Variants in TRPC5 observed in about 807,000 individuals in gnomAD.
TRPC5 encodes transient receptor potential cation channel subfamily C member 5.
TRPC5 carries 9 observed loss-of-function variants against 56.5 expected under a neutral mutation model. The ratio of observed to expected loss-of-function variants is 0.16; its 90% CI spans 0.10 to 0.28. The LOEUF is 0.28. TRPC5 is among the 10% of genes least tolerant of loss of function. The pLI, the probability that TRPC5 is intolerant of heterozygous loss-of-function variation, is 1.00. For missense variants in TRPC5, 469 were observed against 748.9 expected (o/e 0.63, Z 4.36); for synonymous variants, 282 against 278.5 (o/e 1.01, Z -0.13).
intron 6 of TRPC5, among the ~76,000 whole-genome samples, chrX:111,837,816 A>G (rs1034094663): frequency 2.8e-5 from 3 of 108,992 alleles, no homozygotes; most frequent in African/African-American, 1.0e-4. Context: ...TCATGCCTAT[A>G]ATCCCAGAGC....
intron 1 of TRPC5, among the ~76,000 whole-genome samples, chrX:111,997,176 T>C (rs1928560103): frequency 8.9e-6 from 1 of 111,867 alleles, no homozygotes; most frequent in South Asian, 3.8e-4. Context: ...CTTCAGGAGC[T>C]CTTGTAAGGC....
At chrX:111,906,421 T>TA (rs1188982988) in intron 3 of TRPC5, among the ~76,000 whole-genome samples, 1 of 110,790 alleles carries the variant, frequency 9.0e-6, no homozygotes, top group Non-Finnish European at 1.9e-5. Context: ...TAAATACACA[T>TA]ACCTCTGTAT....
At chrX:111,963,198 T>C (rs1047845898) in intron 1 of TRPC5, among the ~76,000 whole-genome samples, 1 of 111,951 alleles carries the variant, frequency 8.9e-6, no homozygotes, top group Non-Finnish European at 1.9e-5. Flanking sequence ...GCTCAGAGGG[T>C]CCTACGCCCA....
chrX:111,902,032 A>AGG, intron 3 of TRPC5: 2 of 1,155,972 alleles, frequency 1.7e-6, no homozygotes, highest in Non-Finnish European at 2.3e-6. Flanking sequence ...AGCCTTCGCT[A>AGG]CCTGATCTCC....
At chrX:111,804,775 T>C (rs1195539997) in intron 7 of TRPC5, among the ~76,000 whole-genome samples, 3 of 111,874 alleles carry the variant, frequency 2.7e-5, no homozygotes, top group Admixed American at 9.5e-5. Context: ...TTTCTAAATA[T>C]ACAATCATGT....
At chrX:111,813,481 A>G (rs1228518744) in intron 7 of TRPC5, among the ~76,000 whole-genome samples, 1 of 112,650 alleles carries the variant, frequency 8.9e-6, no homozygotes, top group East Asian at 2.8e-4. Flanking sequence ...GTTCAATTTT[A>G]CATTTCTCAA....
intron 3 of TRPC5, among the ~76,000 whole-genome samples, chrX:111,893,827 G>A (rs1282871582): frequency 9.0e-6 from 1 of 111,320 alleles, no homozygotes; most frequent in Non-Finnish European, 1.9e-5. Context: ...TTTTTTAAAG[G>A]CAAAAGTTTG....
chrX:111,952,578 A>C, intron 1 of TRPC5, 137 bp from the exon 2 acceptor site: 1 of 634,976 alleles, frequency 1.6e-6, no homozygotes, highest in African/African-American at 2.2e-5. Flanking sequence ...TTCCGCTTAC[A>C]AAGAAGTATA....
chrX:111,884,286 G>A (rs1805601336), intron 3 of TRPC5, among the ~76,000 whole-genome samples: 1 of 112,298 alleles, frequency 8.9e-6, no homozygotes, highest in Non-Finnish European at 1.9e-5. Context: ...GCTAGTTAGG[G>A]GCCTAGTCAG....
chrX:111,909,481 C>T (rs1057333658), intron 3 of TRPC5, among the ~76,000 whole-genome samples: 3 of 110,632 alleles, frequency 2.7e-5, no homozygotes, highest in Non-Finnish European at 5.7e-5. Context: ...ATCCTAGTGA[C>T]GATGGATGCA....
At chrX:112,061,691 T>C (rs1416400888) in intron 1 of TRPC5, among the ~76,000 whole-genome samples, 6 of 111,451 alleles carry the variant, frequency 5.4e-5, no homozygotes, top group African/African-American at 2.0e-4. Flanking sequence ...CACATGACTA[T>C]TAAAAACGTC....
chrX:112,050,417 T>C (rs1930186113), intron 1 of TRPC5, among the ~76,000 whole-genome samples: 1 of 112,305 alleles, frequency 8.9e-6, no homozygotes, highest in South Asian at 3.7e-4. Context: ...TATAGCAGTA[T>C]TGGTTTGATG....
chrX:111,889,651 G>A (rs1924707462), intron 3 of TRPC5, among the ~76,000 whole-genome samples: 1 of 111,678 alleles, frequency 9.0e-6, no homozygotes, highest in African/African-American at 3.3e-5. Flanking sequence ...ACTTTGGGAG[G>A]TAGAGGTATG....
At chrX:111,807,956 C>CTGTGTGTGTGTGTGTGTG (rs60688414) in intron 7 of TRPC5, among the ~76,000 whole-genome samples, 10 of 91,927 alleles carry the variant, frequency 1.1e-4, no homozygotes, top group African/African-American at 5.0e-4. Flanking sequence ...CTCTCTCTCT[C>CTGTGTGTGTGTGTGTGTG]TGTGTGTGTG....
chrX:111,893,303 C>CA (rs1255112283), intron 3 of TRPC5, among the ~76,000 whole-genome samples: 1 of 110,359 alleles, frequency 9.1e-6, no homozygotes, highest in African/African-American at 3.3e-5. Flanking sequence ...ATTTGAAAAC[C>CA]AAAAAAATCT....
chrX:112,073,782 T>C (rs1192946691), intron 1 of TRPC5, among the ~76,000 whole-genome samples: 2 of 111,738 alleles, frequency 1.8e-5, no homozygotes, highest in Non-Finnish European at 3.8e-5. Context: ...ACTTATTATC[T>C]TCCTCGCCTT....
chrX:111,799,872 C>A (rs185436439), intron 7 of TRPC5, among the ~76,000 whole-genome samples: 1 of 111,764 alleles, frequency 8.9e-6, no homozygotes, highest in Non-Finnish European at 1.9e-5. Context: ...GATCACTTGA[C>A]GGAGATGAGT....
At chrX:112,080,401 C>T (rs986035647) in intron 1 of TRPC5, among the ~76,000 whole-genome samples, 8 of 91,229 alleles carry the variant, frequency 8.8e-5, no homozygotes, top group African/African-American at 1.7e-4. Flanking sequence ...TACATACACA[C>T]ACACACACAC....
rs188917314 is a variant in TRPC5 at position 111,905,775 on chromosome X, C to T, written c.900+6516G>A. The stretch of plus-strand genomic sequence containing the variant: ...TAAAAATACAAAAAAATTAGCTGGG[C>T]GTGGTGGCGGGCGCCTGTAGTCCCA... On this transcript the variant is annotated intron_variant, in intron 3 of 10. Transcript: ENST00000262839. Among the ~76,000 whole-genome samples, 193 of 109,289 alleles carry T rather than the reference C, an allele frequency of 1.8e-3. 1 individual carries two copies. Among genetic ancestry groups the T allele is most frequent in the Admixed American group, 7.8e-3 (80 of 10,300 alleles). 94.9% of individuals were successfully genotyped at this position (109,289 alleles called of 115,157 possible). A position where few individuals can be genotyped will look rare whatever the true frequency, so the allele number is the denominator to read the frequency against.
Sources: gnomAD v4.1 joint callset for allele counts (sites outside exome capture counted in the v4.1 genomes callset) on GRCh38, gnomAD v4.1.1 for gene constraint, MANE v1.5 for transcripts, NCBI Gene and HGNC (gene_info 2026-07-23, HGNC 2026-07-21) for gene names.